The following GABRA5 variants were observed in gnomAD, a reference collection of about 807,000 sequenced individuals.
GABRA5 encodes the protein gamma-aminobutyric acid receptor subunit alpha-5.
Under a neutral mutation model 47.3 loss-of-function variants are expected in GABRA5, and 18 were observed. The ratio of observed to expected loss-of-function variants is 0.38; its 90% CI spans 0.26 to 0.56. The LOEUF is 0.56. GABRA5 is among the 20% of genes least tolerant of loss of function. GABRA5 has a pLI of 0.71. For synonymous variants in GABRA5, 237 were observed against 229.3 expected (o/e 1.03, Z -0.30); for missense variants, 365 against 599.3 (o/e 0.61, Z 4.08).
intron 3 of GABRA5, among the ~76,000 whole-genome samples, chr15:26,873,374 A>G (rs1286268778): frequency 6.7e-6 from 1 of 149,534 alleles, no homozygotes; most frequent in Non-Finnish European, 1.5e-5. Context: ...TCTTAAATAT[A>G]TTTTGGAGGT....
intron 9 of GABRA5, among the ~76,000 whole-genome samples, chr15:26,940,742 T>C (rs898303362): frequency 6.6e-6 from 1 of 152,186 alleles, no homozygotes; most frequent in African/African-American, 2.4e-5. Context: ...ATATACCTGG[T>C]AAGAATCTAG....
At chr15:26,885,298 CAAA>C (rs56883238) in intron 6 of GABRA5, among the ~76,000 whole-genome samples, 2 of 105,570 alleles carry the variant, frequency 1.9e-5, no homozygotes, top group Non-Finnish European at 2.0e-5. Flanking sequence ...GACTCCGTTT[CAAA>C]AAAAAAAAAA....
intron 7 of GABRA5, among the ~76,000 whole-genome samples, chr15:26,917,218 T>C (rs1470717750): frequency 6.6e-6 from 1 of 152,266 alleles, no homozygotes; most frequent in South Asian, 2.1e-4. Flanking sequence ...GATTTTCATA[T>C]GTGGCATTTA....
chr15:26,902,442 G>T (rs1037436276), intron 6 of GABRA5, among the ~76,000 whole-genome samples: 1 of 151,950 alleles, frequency 6.6e-6, no homozygotes, highest in Non-Finnish European at 1.5e-5. Flanking sequence ...GTTCATTGCT[G>T]ATATATAATA....
At chr15:26,944,233 A>G (rs1894458130) in intron 10 of GABRA5, among the ~76,000 whole-genome samples, 1 of 152,216 alleles carries the variant, frequency 6.6e-6, no homozygotes, top group African/African-American at 2.4e-5. Context: ...AAGGGCCACA[A>G]GCCAGTTACA....
At chr15:26,940,548 GTT>G (rs59136782) in intron 9 of GABRA5, among the ~76,000 whole-genome samples, 14,200 of 152,102 alleles carry the variant, frequency 0.093, 1,919 homozygotes, top group African/African-American at 0.3. Flanking sequence ...TGCCCAAAAA[GTT>G]TTGGATTCTG....
At chr15:26,921,897 T>C (rs1893851636) in intron 7 of GABRA5, among the ~76,000 whole-genome samples, 1 of 152,200 alleles carries the variant, frequency 6.6e-6, no homozygotes, top group Non-Finnish European at 1.5e-5. Context: ...TGTTTGTAGA[T>C]TTTTCTGTTA....
Position 26,911,388 on chromosome 15 carries a change from C to A in GABRA5, c.498-3415C>A, listed in dbSNP as rs867105276. Among the ~76,000 whole-genome samples the A allele has an allele frequency of 2.7e-5, 4 of 146,768 alleles. No homozygotes were observed. In the East Asian group the frequency reaches 6.0e-4, roughly 22 times the overall value. On this transcript the variant is annotated intron_variant, in intron 6 of 10. Coordinates refer to ENST00000335625, the MANE Select transcript of GABRA5 (RefSeq NM_000810.4). Reference sequence around the variant, plus strand: ...TGCTGCATGCACACACACACACACACACACACACAAACACACACACTCCTG... The same window carrying A: ...TGCTGCATGCACACACACACACACAAACACACACAAACACACACACTCCTG...
intron 10 of GABRA5, among the ~76,000 whole-genome samples, chr15:26,945,693 C>T (rs1894493380): frequency 6.6e-6 from 1 of 152,186 alleles, no homozygotes; most frequent in African/African-American, 2.4e-5. Flanking sequence ...GTTCTGACAC[C>T]TGGCCACACT....
chr15:26,910,937 A>G (rs564917165), intron 6 of GABRA5, among the ~76,000 whole-genome samples: 2 of 152,310 alleles, frequency 1.3e-5, no homozygotes, highest in South Asian at 2.1e-4. Flanking sequence ...TTCCACATCA[A>G]AGCATTCCAC....
intron 6 of GABRA5, among the ~76,000 whole-genome samples, chr15:26,892,276 A>G (rs900653724): frequency 5.3e-5 from 8 of 152,266 alleles, no homozygotes; most frequent in African/African-American, 1.9e-4. Flanking sequence ...TGCCAGCCAC[A>G]TTCCCAGCAG....
chr15:26,869,120 C>A, intron 2 of GABRA5, 55 bp from the exon 3 acceptor site: 1 of 665,534 alleles, frequency 1.5e-6, no homozygotes, highest in Non-Finnish European at 2.8e-6. Context: ...ATTCCAGGAA[C>A]TGTGACACAA....
chr15:26,896,600 T>G (rs1893198807), intron 6 of GABRA5, among the ~76,000 whole-genome samples: 1 of 152,330 alleles, frequency 6.6e-6, no homozygotes, highest in East Asian at 1.9e-4. Context: ...ATTACTACTT[T>G]GTAATAATTT....
chr15:26,880,138 G>A (rs1892692526), intron 3 of GABRA5, among the ~76,000 whole-genome samples: 1 of 152,118 alleles, frequency 6.6e-6, no homozygotes, highest in African/African-American at 2.4e-5. Flanking sequence ...ATAAGCTTTT[G>A]GAATCTGGAT....
intron 6 of GABRA5, among the ~76,000 whole-genome samples, chr15:26,907,110 G>T (rs1387911943): frequency 6.6e-6 from 1 of 152,132 alleles, no homozygotes; most frequent in Non-Finnish European, 1.5e-5. Flanking sequence ...GGATACAAAA[G>T]AAATCCATTA....
chr15:26,889,828 G>C (rs1481018538), intron 6 of GABRA5, among the ~76,000 whole-genome samples: 3 of 152,178 alleles, frequency 2.0e-5, no homozygotes, highest in African/African-American at 7.2e-5. Context: ...AGACCAAAGA[G>C]AATCAATGTT....
chr15:26,948,146 A>G lies in GABRA5; in HGVS notation c.1302A>G (p.Pro434=), dbSNP rs1390662679. 2 of 1,613,908 alleles carry G rather than the reference A, an allele frequency of 1.2e-6. No homozygotes were observed. Among genetic ancestry groups the G allele is most frequent in the South Asian group, 1.1e-5 (1 of 91,016 alleles). Residue 434 remains proline (P), a synonymous_variant, in exon 11 of 11, where the codon CCA becomes CCG. Coordinates refer to ENST00000335625, the MANE Select transcript of GABRA5 (RefSeq NM_000810.4). The part of the protein sequence containing the change: ...KIDKMSRIVF[P]VLFGTFNLVY... ...ACAAAATGTCCCGAATCGTATTCCC[A>G]GTCTTGTTCGGCACTTTCAACTTAG...
chr15:26,922,394 T>C (rs1893864582), intron 7 of GABRA5, among the ~76,000 whole-genome samples: 1 of 152,206 alleles, frequency 6.6e-6, no homozygotes, highest in African/African-American at 2.4e-5. Flanking sequence ...AGTCTTGCTT[T>C]CTTTTGATTA....
chr15:26,911,380 C>CACACACACACACACAA (rs1783479326), intron 6 of GABRA5, among the ~76,000 whole-genome samples: 1 of 144,654 alleles, frequency 6.9e-6, no homozygotes. Context: ...TGCACACACA[C>CACACACACACACACAA]ACACACACAC....
Sources: allele counts gnomAD v4.1 joint callset (sites outside exome capture counted in the v4.1 genomes callset), GRCh38; gene constraint gnomAD v4.1.1; transcripts MANE v1.5; gene names NCBI Gene and HGNC (gene_info 2026-07-23, HGNC 2026-07-21).